RSRP1: variants seen among roughly 807,000 people sequenced by gnomAD.
RSRP1 encodes arginine/serine-rich protein 1.
A neutral mutation model predicts 33.0 loss-of-function variants in RSRP1; 37 were observed. That is an observed-to-expected ratio of 1.12 (90% confidence interval 0.86 to 1.48). The LOEUF is 1.48. Ranked by LOEUF, RSRP1 falls within the 40% of genes most tolerant of loss-of-function variation. RSRP1 has a pLI of 0.00. For missense variants in RSRP1, 402 were observed against 385.3 expected (o/e 1.04, Z -0.36); for synonymous variants, 167 against 158.7 (o/e 1.05, Z -0.40).
rs778291033 is a variant in RSRP1, at chr1:25,242,645, T to C, written c.817A>G (p.Arg273Gly). Reference protein sequence around the residue: ...AKAATEEASSRSPKIDQKKSP... With the variant: ...AKAATEEASSGSPKIDQKKSP... ...TTTTTCTGATCTATTTTTGGTGATC[T>C]TGAAGATGCCTCTTCTGTGGCAGCT... Residue 273 changes from arginine to glycine, a missense_variant, in exon 5 of 5, where the codon AGA (arginine) becomes GGA (glycine). Transcript: ENST00000243189. 3.7e-6 allele frequency: 6 copies of C among 1,612,612 alleles called. No homozygotes were observed. Among genetic ancestry groups the C allele is most frequent in the Non-Finnish European group, 5.1e-6 (6 of 1,179,918 alleles).
intron 1 of RSRP1, among the ~76,000 whole-genome samples, chr1:25,268,806 G>A (rs1177786969): frequency 7.7e-6 from 1 of 130,544 alleles, no homozygotes; most frequent in Non-Finnish European, 1.8e-5. Context: ...AAACTAGCCG[G>A]GTGTGGTATC....
At chr1:25,254,434 TTTTTG>T (rs75396535) in intron 1 of RSRP1, among the ~76,000 whole-genome samples, 64 of 150,942 alleles carry the variant, frequency 4.2e-4, no homozygotes, top group African/African-American at 1.5e-3. Flanking sequence ...TATGAATAGG[TTTTTG>T]TTTTGTTTTG....
chr1:25,314,279 A>G (rs1336808601), intron 1 of RSRP1, among the ~76,000 whole-genome samples: 2 of 132,714 alleles, frequency 1.5e-5, no homozygotes, highest in African/African-American at 5.1e-5. Flanking sequence ...TCATTTAGCA[A>G]TCAAACCTAT....
Position 25,284,731 on chromosome 1 carries a change from T to C in RSRP1, c.-66-37702A>G, listed in dbSNP as rs1132760. The C allele has an allele frequency of 3.2e-5, 45 of 1,388,728 alleles. 7 individuals carry two copies. In the African/African-American group the frequency reaches 3.5e-4, roughly 11 times the overall value. 86.0% of individuals were successfully genotyped at this position (1,388,728 alleles called of 1,614,324 possible). ...GGACGGCTTCCTGAGCCAGTTCCCT[T>C]CTGGGAAGGTGGTCATCACACTGTT... is the stretch of plus-strand genomic sequence containing the variant. On this transcript the variant is annotated intron_variant, in intron 1 of 1. Coordinates refer to the RSRP1 transcript ENST00000561867.
rs181840052 is a variant in RSRP1 at position 25,291,519 on chromosome 1, T to C, written c.-66-44490A>G. On this transcript the variant is annotated intron_variant, in intron 1 of 1. Coordinates refer to the RSRP1 transcript ENST00000561867. ...AAGAAAAGATTGATAGATAGATAGA[T>C]ATCCAAATGAGTTTACAAAAATGTG... 2.4e-4 allele frequency among the ~76,000 whole-genome samples: 31 copies of C among 131,850 alleles called. No homozygotes were observed. The East Asian group carries it at 5.5e-3, about 23-fold the overall frequency. The allele number at this position is 131,850 out of a possible 152,430, so 86.5% of individuals were successfully genotyped here. A position where few individuals can be genotyped will look rare whatever the true frequency, so the allele number is the denominator to read the frequency against.
In RSRP1 at chr1:25,257,787, T is replaced by A. The variant is rs1640094693; in HGVS notation, c.-66-10758A>T. Among the ~76,000 whole-genome samples, 7 of 152,018 alleles carry A rather than the reference T, an allele frequency of 4.6e-5. No individual in the cohort carries two copies. The South Asian group carries it at 1.0e-3, about 23-fold the overall frequency. On this transcript the variant is annotated intron_variant, in intron 1 of 1. Coordinates refer to the RSRP1 transcript ENST00000561867. Reference sequence around the variant, plus strand: ...GCTAATTTTTTGTTGGTGATGGTATTTTTTGTAGACATAGGGTTTCTCCAC... The same window carrying A: ...GCTAATTTTTTGTTGGTGATGGTATATTTTGTAGACATAGGGTTTCTCCAC...
intron 1 of RSRP1, among the ~76,000 whole-genome samples, chr1:25,306,262 C>A (rs1480484067): frequency 7.6e-6 from 1 of 131,668 alleles, no homozygotes; most frequent in Non-Finnish European, 1.8e-5. Flanking sequence ...GGGCAGCCCC[C>A]ACCACAAGGA....
Position 25,246,473 on chromosome 1 carries a change from C to A in RSRP1, c.491G>T (p.Ser164Ile), listed in dbSNP as rs1639405908. ...TTCACTTAAGCGAAAGGGGGTTCTG[C>A]TCCGCGACCTCGTCCTGGATCTGTC... Reference protein sequence around the residue: ...WRDRSRTRSRSRTPFRLSEKD... With the variant: ...WRDRSRTRSRIRTPFRLSEKD... Residue 164 changes from serine to isoleucine, a missense_variant, in exon 2 of 5, where the codon AGC becomes ATC. By Grantham distance (142) the Ser-to-Ile change is moderately radical (BLOSUM62 -2). Coordinates refer to ENST00000243189, the MANE Select transcript of RSRP1 (RefSeq NM_020317.5). 6.2e-7 allele frequency: 1 copy of A among 1,614,086 alleles called. No individual in the cohort carries two copies. The highest frequency in any genetic ancestry group is 8.5e-7 in the Non-Finnish European group (1 of 1,179,916).
At chr1:25,336,629 GAGAA>G (rs1338479642) in intron 1 of RSRP1, among the ~76,000 whole-genome samples, 1 of 149,924 alleles carries the variant, frequency 6.7e-6, no homozygotes, top group African/African-American at 2.5e-5. Flanking sequence ...AAAACGCAAA[GAGAA>G]AGGAGTTAGT....
At chr1:25,306,826 G>C (rs1311514947) in intron 1 of RSRP1, 1 of 1,107,994 alleles carries the variant, frequency 9.0e-7, no homozygotes, top group Admixed American at 1.8e-5. Flanking sequence ...TGCACTCGGG[G>C]CCAGGTGCTC....
At position 25,254,568 on chromosome 1, in the gene RSRP1, T is replaced by G. The variant is rs577387907; in HGVS notation, c.-66-7539A>C. On this transcript the variant is annotated intron_variant, in intron 1 of 1. Transcript: ENST00000561867. ...CTCCTGCCTCAGCCTCCTGAGTAGC[T>G]GGGATTATAGGCGCCTGCCACCATG... is the stretch of plus-strand genomic sequence containing the variant. Among the ~76,000 whole-genome samples, 5 of 152,294 alleles carry G rather than the reference T, an allele frequency of 3.3e-5. No homozygotes were observed. The South Asian group carries it at 1.0e-3, about 32-fold the overall frequency.
chr1:25,261,384 C>G (rs113282392), intron 1 of RSRP1, among the ~76,000 whole-genome samples: 2,178 of 151,732 alleles, frequency 0.014, 46 homozygotes, highest in African/African-American at 0.05. Context: ...AGACTTTGCT[C>G]TGAGAAAAAT....
At chr1:25,285,734 G>A (rs1459430539) in intron 1 of RSRP1, among the ~76,000 whole-genome samples, 3 of 135,146 alleles carry the variant, frequency 2.2e-5, no homozygotes, top group Admixed American at 7.1e-5. Flanking sequence ...AAGGGCATTG[G>A]CACTTAATAG....
At chr1:25,258,531 C>G (rs186487950) in intron 1 of RSRP1, among the ~76,000 whole-genome samples, 1 of 152,070 alleles carries the variant, frequency 6.6e-6, no homozygotes, top group African/African-American at 2.4e-5. Flanking sequence ...CCTGTCATTG[C>G]GTTTGTGAGA....
At chr1:25,274,404 C>T (rs1182247657) in intron 1 of RSRP1, among the ~76,000 whole-genome samples, 1 of 132,430 alleles carries the variant, frequency 7.6e-6, no homozygotes, top group East Asian at 1.9e-4. Context: ...AGCCACTATT[C>T]CAACCCTGTA....
chr1:25,263,031 C>G (rs1410571098), intron 1 of RSRP1, among the ~76,000 whole-genome samples: 1 of 152,156 alleles, frequency 6.6e-6, no homozygotes, highest in African/African-American at 2.4e-5. Flanking sequence ...GTAGGGGAGG[C>G]TGCTATGCAA....
Position 25,243,568 on chromosome 1 carries a change from G to A in RSRP1, c.738C>T (p.Ser246=). The change falls in exon 4 of 5, where the codon AGC becomes AGT. Residue 246 remains serine (S), a synonymous_variant. Coordinates refer to ENST00000243189, the MANE Select transcript of RSRP1 (RefSeq NM_020317.5). ...TACTTACATTAGAGCTAAAAGCTAT[G>A]CTTCTTTGCTGGGTAGGTTTTTCAT... is the stretch of plus-strand genomic sequence containing the variant. ...NPNEKPTQQR[S]IAFSSNNSVA... 1 of 1,613,782 alleles carries A rather than the reference G, an allele frequency of 6.2e-7. No homozygotes were observed. Among genetic ancestry groups the A allele is most frequent in the Non-Finnish European group, 8.5e-7 (1 of 1,179,834 alleles).
chr1:25,246,334 G>C (rs1377927616), intron 2 of RSRP1, 110 bp downstream of exon 2: 2 of 1,481,990 alleles, frequency 1.3e-6, no homozygotes, highest in African/African-American at 2.8e-5. Flanking sequence ...AAAAGATTTC[G>C]GGCACTAAAG....
rs1170705293 is a variant in RSRP1, at chr1:25,290,964, C to A, written c.-66-43935G>T. On this transcript the variant is annotated intron_variant, in intron 1 of 1. Transcript: ENST00000561867. ...TTTGAGACCAGCCTGGGCATCATAG[C>A]AAGATCCTCATCTCTAAAAAGTAAT... Among the ~76,000 whole-genome samples, 6 of 129,582 alleles carry A rather than the reference C, an allele frequency of 4.6e-5. 2 individuals are homozygous for A. 85.0% of individuals were successfully genotyped at this position (129,582 alleles called of 152,430 possible). A position where few individuals can be genotyped will look rare whatever the true frequency, so the allele number is the denominator to read the frequency against.
Sources: gnomAD v4.1 joint callset for allele counts (sites outside exome capture counted in the v4.1 genomes callset) on GRCh38, gnomAD v4.1.1 for gene constraint, MANE v1.5 for transcripts, NCBI Gene and HGNC (gene_info 2026-07-23, HGNC 2026-07-21) for gene names.